Variants in SLC22A15 observed in about 807,000 individuals in gnomAD.
SLC22A15 encodes solute carrier family 22 member 15, also known as flipt 1.
SLC22A15 carries 45 observed loss-of-function variants against 62.7 expected under a neutral mutation model. The ratio of observed to expected loss-of-function variants is 0.72; its 90% CI spans 0.56 to 0.92. SLC22A15 has a LOEUF of 0.92. Among genes scored for constraint, SLC22A15 ranks in the 40% least tolerant of loss-of-function variants. The pLI is 0.00. For missense variants in SLC22A15, 622 were observed against 665.6 expected, an observed-to-expected ratio of 0.93 and a Z score of 0.72; for synonymous variants, 264 against 267.0, an observed-to-expected ratio of 0.99 and a Z score of 0.11.
rs1037757870 is a variant in SLC22A15, at chr1:116,039,771, C to T, written c.1171+2383C>T. On this transcript the variant is annotated intron_variant, in intron 8 of 11. Transcript: ENST00000369503. The stretch of plus-strand genomic sequence containing the variant: ...TCCAGCTATGCCTGAATTTTCTCTT[C>T]TTTCAGATAAATAGTAATTGTTCTT... Among the ~76,000 whole-genome samples, 134 of 152,094 alleles carry T rather than the reference C, an allele frequency of 8.8e-4. 2 individuals are homozygous for T. Among genetic ancestry groups the T allele is most frequent in the Non-Finnish European group, 1.8e-4 (12 of 68,006 alleles).
intron 8 of SLC22A15, among the ~76,000 whole-genome samples, chr1:116,058,485 G>A (rs1435965070): frequency 6.6e-6 from 1 of 152,126 alleles, no homozygotes; most frequent in African/African-American, 2.4e-5. Context: ...GCATGGATGC[G>A]GGTGATCAGG....
chr1:116,042,726 G>A (rs536661240), intron 8 of SLC22A15, among the ~76,000 whole-genome samples: 6 of 152,214 alleles, frequency 3.9e-5, no homozygotes, highest in South Asian at 2.1e-4. Context: ...ATTGAAAGGC[G>A]AAATAGACAA....
chr1:115,994,646 T>C (rs1270331604), intron 2 of SLC22A15, among the ~76,000 whole-genome samples: 1 of 152,226 alleles, frequency 6.6e-6, no homozygotes, highest in African/African-American at 2.4e-5. Context: ...TTTGCCTCAT[T>C]AGCATTATTA....
At chr1:116,045,416 A>T (rs1657906733) in intron 8 of SLC22A15, among the ~76,000 whole-genome samples, 1 of 152,014 alleles carries the variant, frequency 6.6e-6, no homozygotes, top group Non-Finnish European at 1.5e-5. Flanking sequence ...GGAAAAACAA[A>T]GTTGAAGAAC....
chr1:115,979,972 A>AT (rs1343706997), intron 1 of SLC22A15, among the ~76,000 whole-genome samples: 1 of 150,462 alleles, frequency 6.6e-6, no homozygotes, highest in African/African-American at 2.4e-5. Context: ...GGAATGCATT[A>AT]TTTTTATATA....
In SLC22A15 at chr1:116,066,624, A is replaced by G. The variant is rs922651951; in HGVS notation, c.1470A>G (p.Leu490=). 3.5e-5 allele frequency: 56 copies of G among 1,611,738 alleles called. No homozygotes were observed. Among genetic ancestry groups the G allele is most frequent in the Non-Finnish European group, 4.4e-5 (52 of 1,179,096 alleles). Residue 490 remains leucine, a synonymous_variant, in exon 11 of 12, where the codon CTA becomes CTG. Coordinates refer to ENST00000369503, the MANE Select transcript of SLC22A15 (RefSeq NM_018420.3). Reference sequence around the variant, plus strand: ...CGGAGACCCTTAACAGTCCGCTGCTAGAAACATTCTCCGACCTTCAGGTGT... The same window carrying G: ...CGGAGACCCTTAACAGTCCGCTGCTGGAAACATTCTCCGACCTTCAGGTGT... The part of the protein sequence containing the change: ...LLPETLNSPL[L]ETFSDLQVYS...
intron 2 of SLC22A15, among the ~76,000 whole-genome samples, chr1:116,000,842 C>A (rs1484480149): frequency 6.6e-6 from 1 of 151,950 alleles, no homozygotes; most frequent in African/African-American, 2.4e-5. Flanking sequence ...CTGTGTTAGC[C>A]AGGATGGTCT....
chr1:116,064,602 TTAAGATCAGC>T, intron 10 of SLC22A15, 94 bp downstream of exon 10: 1 of 836,112 alleles, frequency 1.2e-6, no homozygotes, highest in Middle Eastern at 2.2e-4. Flanking sequence ...CAGATGTCAT[TTAAGATCAGC>T]TGACACAAAT....
intron 1 of SLC22A15, among the ~76,000 whole-genome samples, chr1:115,978,918 C>A (rs189209644): frequency 3.3e-5 from 5 of 152,072 alleles, no homozygotes; most frequent in African/African-American, 1.2e-4. Context: ...AAGGAGTTTT[C>A]GTACCATTGC....
Position 115,976,612 on chromosome 1 carries a change from C to G in SLC22A15, c.-16C>G. The G allele has an allele frequency of 6.4e-7, 1 of 1,563,030 alleles. No homozygotes were observed. Among genetic ancestry groups the G allele is most frequent in the Non-Finnish European group, 8.6e-7 (1 of 1,158,758 alleles). On this transcript the variant is annotated 5_prime_UTR_variant, in exon 1 of 12. Coordinates refer to ENST00000369503, the MANE Select transcript of SLC22A15 (RefSeq NM_018420.3). Reference sequence around the variant, plus strand: ...AGAGGGCGGTGGGGTGGCGGGGTTCCTGCGCGCGGCCCGCCATGGAGGTGG... The same window carrying G: ...AGAGGGCGGTGGGGTGGCGGGGTTCGTGCGCGCGGCCCGCCATGGAGGTGG...
At chr1:116,053,685 A>G (rs1232565449) in intron 8 of SLC22A15, among the ~76,000 whole-genome samples, 2 of 152,268 alleles carry the variant, frequency 1.3e-5, no homozygotes, top group Admixed American at 1.3e-4. Flanking sequence ...AGGGAAGCCC[A>G]TCAGACTAAC....
chr1:116,067,113 C>G lies in SLC22A15; in HGVS notation c.*5C>G. Reference sequence around the variant, plus strand: ...GAGACTCAGATGATCAAGTGAAGAGCCCCAGATTCCCCCTAAGAAGCAAAG... The same window carrying G: ...GAGACTCAGATGATCAAGTGAAGAGGCCCAGATTCCCCCTAAGAAGCAAAG... On this transcript the variant is annotated 3_prime_UTR_variant, in exon 12 of 12. Transcript: ENST00000369503. 1 of 1,604,712 alleles carries G rather than the reference C, an allele frequency of 6.2e-7. No homozygotes were observed. Among genetic ancestry groups the G allele is most frequent in the South Asian group, 1.1e-5 (1 of 89,230 alleles).
chr1:116,008,320 G>A (rs1195955889), intron 2 of SLC22A15, among the ~76,000 whole-genome samples: 1 of 152,158 alleles, frequency 6.6e-6, no homozygotes, highest in African/African-American at 2.4e-5. Flanking sequence ...AGGAGTGGGT[G>A]GATACAAGAT....
chr1:116,040,985 A>G (rs1348486227), intron 8 of SLC22A15, among the ~76,000 whole-genome samples: 2 of 152,206 alleles, frequency 1.3e-5, no homozygotes, highest in African/African-American at 4.8e-5. Flanking sequence ...GATTAAACCC[A>G]GTTCTTAACT....
At chr1:115,990,623 A>G (rs1170735228) in intron 1 of SLC22A15, among the ~76,000 whole-genome samples, 1 of 152,206 alleles carries the variant, frequency 6.6e-6, no homozygotes, top group South Asian at 2.1e-4. Context: ...GCCCTGTATA[A>G]TAAATCACCC....
intron 2 of SLC22A15, among the ~76,000 whole-genome samples, chr1:116,010,087 G>A (rs1656176860): frequency 6.6e-6 from 1 of 152,196 alleles, no homozygotes; most frequent in African/African-American, 2.4e-5. Flanking sequence ...TAGGAGTCTT[G>A]ACTATTCTAA....
At chr1:116,022,116 G>C (rs1363360309) in intron 4 of SLC22A15, among the ~76,000 whole-genome samples, 2 of 152,160 alleles carry the variant, frequency 1.3e-5, no homozygotes, top group African/African-American at 4.8e-5. Flanking sequence ...TTAGAACTAG[G>C]CTGGAGAGGA....
At chr1:116,064,309 C>T (rs1050086447) in intron 9 of SLC22A15, 127 bp from the exon 10 acceptor site, 43 of 671,156 alleles carry the variant, frequency 6.4e-5, no homozygotes, top group Non-Finnish European at 1.0e-4. Context: ...AGCTCTAGAA[C>T]CCACTGTTCT....
At chr1:116,010,008 T>G (rs185074138) in intron 2 of SLC22A15, among the ~76,000 whole-genome samples, 24 of 152,198 alleles carry the variant, frequency 1.6e-4, no homozygotes, top group African/African-American at 5.5e-4. Flanking sequence ...TTTAGAAGAG[T>G]TTTTGGGAAG....
Sources: gnomAD v4.1 joint callset for allele counts (sites outside exome capture counted in the v4.1 genomes callset) on GRCh38, gnomAD v4.1.1 for gene constraint, MANE v1.5 for transcripts, NCBI Gene and HGNC (gene_info 2026-07-23, HGNC 2026-07-21) for gene names.